Variants in USP32 observed in about 807,000 individuals in gnomAD.
USP32 encodes the protein ubiquitin specific peptidase 32.
Under a neutral mutation model 204.8 loss-of-function variants are expected in USP32, and 59 were observed. The ratio of observed to expected loss-of-function variants is 0.29; its 90% CI spans 0.23 to 0.36. The LOEUF is 0.36. Among genes scored for constraint, USP32 ranks in the 10% least tolerant of loss-of-function variants. USP32 has a pLI of 1.00. For synonymous variants in USP32, 517 were observed against 678.4 expected (o/e 0.76, Z 3.70); for missense variants, 1,160 against 1,946.4 (o/e 0.60, Z 7.60).
At chr17:60,367,344 C>A (rs952260394) in intron 1 of USP32, among the ~76,000 whole-genome samples, 3 of 152,036 alleles carry the variant, frequency 2.0e-5, no homozygotes, top group African/African-American at 7.2e-5. Flanking sequence ...CTTGTCTCTA[C>A]TAAAATTCAA....
chr17:60,188,356 T>C (rs1303718427), intron 29 of USP32, among the ~76,000 whole-genome samples: 5 of 152,214 alleles, frequency 3.3e-5, no homozygotes, highest in Admixed American at 2.6e-4. Flanking sequence ...TTTTATATTC[T>C]TAATTATATT....
In USP32 at chr17:60,401,750, AG is replaced by A. The variant is rs556567692; in HGVS notation, c.106+20495del. Reference sequence around the variant, plus strand: ...AGAAAAAAAAAAAAAGAAAGAAAGTAGATCTCTGCCTATGCATGAACTTCAG... The same window carrying A: ...AGAAAAAAAAAAAAAGAAAGAAAGTAATCTCTGCCTATGCATGAACTTCAG... On this transcript the variant is annotated intron_variant, in intron 1 of 3. Transcript: ENST00000588898. Among the ~76,000 whole-genome samples, 37 of 152,184 alleles carry A rather than the reference AG, an allele frequency of 2.4e-4. 2 individuals are homozygous for A. In the South Asian group the frequency reaches 7.5e-3, roughly 31 times the overall value.
chr17:60,222,729 T>C (rs1344516567), intron 14 of USP32, among the ~76,000 whole-genome samples, 180 bp from the exon 15 acceptor site: 1 of 150,238 alleles, frequency 6.7e-6, no homozygotes, highest in African/African-American at 2.5e-5. Context: ...TCACCCAGGC[T>C]GGAGTACAGT....
chr17:60,377,912 A>G (rs1191026113), intron 1 of USP32, among the ~76,000 whole-genome samples: 4 of 152,178 alleles, frequency 2.6e-5, no homozygotes, highest in African/African-American at 4.8e-5. Context: ...AACTACATAC[A>G]TTATTTCATC....
chr17:60,237,927 T>C (rs549478435), intron 11 of USP32, among the ~76,000 whole-genome samples: 1 of 152,348 alleles, frequency 6.6e-6, no homozygotes, highest in South Asian at 2.1e-4. Flanking sequence ...TTTTCAATTA[T>C]TCTGGTATAT....
intron 1 of USP32, among the ~76,000 whole-genome samples, chr17:60,413,889 A>C (rs1469318199): frequency 1.3e-5 from 2 of 151,004 alleles, no homozygotes; most frequent in African/African-American, 4.9e-5. Flanking sequence ...AAAAAAAAAA[A>C]AAAAAAGAAT....
chr17:60,421,429 G>A, intron 1 of USP32: 1 of 985,648 alleles, frequency 1.0e-6, no homozygotes, highest in Non-Finnish European at 1.2e-6. Context: ...GGCAGGGGAG[G>A]CCCGGGCCGA....
intron 1 of USP32, among the ~76,000 whole-genome samples, chr17:60,371,475 A>C (rs1053996992): frequency 1.3e-5 from 2 of 151,968 alleles, no homozygotes; most frequent in African/African-American, 4.8e-5. Context: ...AAGCTGAGGC[A>C]GGAGAATCGC....
chr17:60,386,018 AACAC>A (rs146544566), intron 1 of USP32, among the ~76,000 whole-genome samples: 72 of 149,486 alleles, frequency 4.8e-4, no homozygotes, highest in Non-Finnish European at 6.9e-4. Flanking sequence ...ATTGCTGCAT[AACAC>A]ACACACACAC....
chr17:60,289,701 T>C (rs1239056236), intron 4 of USP32, among the ~76,000 whole-genome samples: 1 of 152,132 alleles, frequency 6.6e-6, no homozygotes, highest in Non-Finnish European at 1.5e-5. Flanking sequence ...GGGAGCCAGG[T>C]ATTTCTAAGC....
intron 11 of USP32, among the ~76,000 whole-genome samples, chr17:60,242,640 A>AC (rs1479163684): frequency 2.6e-5 from 4 of 152,098 alleles, no homozygotes; most frequent in African/African-American, 9.7e-5. Flanking sequence ...CAAACTTCTG[A>AC]CATCAGTGAA....
intron 1 of USP32, among the ~76,000 whole-genome samples, chr17:60,420,408 C>T (rs2090101390): frequency 6.6e-6 from 1 of 152,154 alleles, no homozygotes; most frequent in African/African-American, 2.4e-5. Context: ...TGGCTCACGC[C>T]TGTAATCCTA....
chr17:60,261,114 TGAACATAG>T lies in USP32; in HGVS notation c.990+4290_990+4297del, dbSNP rs149627489. ...ATGCCAACAGAGGGAGAAGCTATGT[TGAACATAG>T]GCTATATTTCAAAATGCTACTTGTT... On this transcript the variant is annotated intron_variant, in intron 9 of 33. Transcript: ENST00000300896. Among the ~76,000 whole-genome samples, 612 of 152,280 alleles carry T rather than the reference TGAACATAG, an allele frequency of 4.0e-3. 2 individuals carry two copies. Among genetic ancestry groups the T allele is most frequent in the African/African-American group, 0.014 (582 of 41,566 alleles).
intron 9 of USP32, among the ~76,000 whole-genome samples, chr17:60,259,191 A>T (rs2086391114): frequency 6.6e-6 from 1 of 152,164 alleles, no homozygotes; most frequent in African/African-American, 2.4e-5. Flanking sequence ...AGGAAGATGC[A>T]TTTACAGATC....
chr17:60,351,673 C>T (rs1337827926), intron 1 of USP32, among the ~76,000 whole-genome samples: 3 of 152,322 alleles, frequency 2.0e-5, no homozygotes, highest in East Asian at 1.9e-4. Context: ...GGTGATCCAC[C>T]TCCCTCGGCC....
intron 26 of USP32, among the ~76,000 whole-genome samples, chr17:60,204,301 T>G (rs2084767068): frequency 1.3e-5 from 2 of 152,184 alleles, no homozygotes; most frequent in Admixed American, 6.5e-5. Context: ...ATAAATTTTG[T>G]GTGTGTTGGT....
intron 1 of USP32, among the ~76,000 whole-genome samples, chr17:60,416,210 C>T (rs936504390): frequency 1.3e-5 from 2 of 152,132 alleles, no homozygotes; most frequent in Non-Finnish European, 2.9e-5. Context: ...TTCTACATCA[C>T]TGGTCAACCC....
At chr17:60,304,733 C>T (rs1234657072) in intron 2 of USP32, among the ~76,000 whole-genome samples, 1 of 152,114 alleles carries the variant, frequency 6.6e-6, no homozygotes, top group South Asian at 2.1e-4. Context: ...TACCAATTCA[C>T]ATGTGGTATA....
Position 60,211,544 on chromosome 17 carries a change from T to C in USP32, c.2180-30A>G, listed in dbSNP as rs370852579. ...AACAAACAATATGAGAACCAAAGCT[T>C]AGCTGTAGTAATATGCCATGGCACA... On this transcript the variant is annotated intron_variant, in intron 19 of 33. Coordinates refer to ENST00000300896, the MANE Select transcript of USP32 (RefSeq NM_032582.4). The C allele has an allele frequency of 5.5e-4, 874 of 1,591,008 alleles. 6 individuals are homozygous for C. In the African/African-American group the frequency reaches 0.01, roughly 19 times the overall value.
Sources: allele counts gnomAD v4.1 joint callset (sites outside exome capture counted in the v4.1 genomes callset), GRCh38; gene constraint gnomAD v4.1.1; transcripts MANE v1.5; gene names NCBI Gene and HGNC (gene_info 2026-07-23, HGNC 2026-07-21).